The following MLLT10 variants were observed in gnomAD, a reference collection of about 807,000 sequenced individuals.
MLLT10 encodes protein AF-10.
In MLLT10, 30 loss-of-function variants were observed where a neutral mutation model predicts 129.1. That is an observed-to-expected ratio of 0.23 (90% CI 0.17 to 0.32). The LOEUF (loss-of-function observed/expected upper bound fraction) is 0.32. Ranked by LOEUF, MLLT10 falls within the 10% of genes least tolerant of loss-of-function variation. The pLI is 1.00. For synonymous variants in MLLT10, 490 were observed against 446.4 expected, an observed-to-expected ratio of 1.10 and a Z score of -1.23; for missense variants, 1,119 against 1,268.3, an observed-to-expected ratio of 0.88 and a Z score of 1.79.
intron 5 of MLLT10, among the ~76,000 whole-genome samples, chr10:21,607,317 GCTTT>G: frequency 7.1e-6 from 1 of 141,156 alleles, no homozygotes; most frequent in African/African-American, 2.7e-5. Flanking sequence ...TGTACTCTAT[GCTTT>G]TTTTTTTTTT....
chr10:21,740,942 G>A (rs1564763310), intron 22 of MLLT10, among the ~76,000 whole-genome samples: 2 of 152,180 alleles, frequency 1.3e-5, no homozygotes, highest in South Asian at 4.1e-4. Context: ...CTATGGGGAT[G>A]TAGAATGGAG....
At chr10:21,593,459 T>G (rs1359472285) in intron 4 of MLLT10, among the ~76,000 whole-genome samples, 1 of 152,194 alleles carries the variant, frequency 6.6e-6, no homozygotes, top group Non-Finnish European at 1.5e-5. Context: ...TTGCATCAAT[T>G]TAGAATTTTG....
chr10:21,598,090 A>T (rs921466252), intron 5 of MLLT10, among the ~76,000 whole-genome samples: 3 of 152,210 alleles, frequency 2.0e-5, no homozygotes, highest in African/African-American at 7.2e-5. Flanking sequence ...ACTAGGATTG[A>T]TGGCAAGTAG....
intron 8 of MLLT10, among the ~76,000 whole-genome samples, chr10:21,623,884 G>C (rs2131240654): frequency 6.6e-6 from 1 of 152,252 alleles, no homozygotes; most frequent in East Asian, 1.9e-4. Flanking sequence ...ATAGTGGTTA[G>C]AAGAAAATGG....
intron 13 of MLLT10, among the ~76,000 whole-genome samples, chr10:21,709,915 A>C (rs7078496): frequency 0.029 from 4,343 of 151,962 alleles, 208 homozygotes; most frequent in African/African-American, 0.098. Context: ...ACACCCAGCT[A>C]ATTTTGCATT....
rs1449244046 is a variant in MLLT10 at position 21,673,787 on chromosome 10, T to G, written c.1489T>G (p.Ser497Ala). The change falls in exon 11 of 23, where the codon TCT becomes GCT. Residue 497 changes from serine (S) to alanine (A), a missense_variant. By Grantham distance (99) the Ser-to-Ala change is moderately conservative. Around this residue, in one of 5 missense-constraint regions of MLLT10, gnomAD observed 1,004 missense variants for 1,008.7 expected, o/e 1.00. Coordinates refer to ENST00000307729, the MANE Select transcript of MLLT10 (RefSeq NM_001195626.3). ...GAATGTTTCTCATCTCTCAGTTTCT[T>G]CTGCTTCACCAACATCATCTGTAGC... ...QENVSHLSVS[S>A]ASPTSSVASA... 2.5e-6 allele frequency: 4 copies of G among 1,614,210 alleles called. No homozygotes were observed. Among genetic ancestry groups the G allele is most frequent in the Non-Finnish European group, 3.4e-6 (4 of 1,180,034 alleles).
intron 2 of MLLT10, 21 bp downstream of exon 2, chr10:21,534,825 CG>C (rs2033521108): frequency 5.1e-6 from 8 of 1,562,200 alleles, no homozygotes; most frequent in South Asian, 1.1e-5. Context: ...AACCGCCCGC[CG>C]GGGCGCGCCG....
chr10:21,614,750 T>A, intron 6 of MLLT10, 81 bp from the exon 7 acceptor site: 1 of 1,054,364 alleles, frequency 9.5e-7, no homozygotes, highest in Non-Finnish European at 1.4e-6. Flanking sequence ...CATGAATGAT[T>A]GGAAGTAAAT....
At chr10:21,587,560 C>T (rs1257978742) in intron 4 of MLLT10, among the ~76,000 whole-genome samples, 1 of 151,680 alleles carries the variant, frequency 6.6e-6, no homozygotes, top group African/African-American at 2.4e-5. Flanking sequence ...TTCTACAGCT[C>T]AGTACTATTC....
chr10:21,595,356 G>T lies in MLLT10; in HGVS notation c.321G>T (p.Leu107=). Residue 107 remains leucine (L), a synonymous_variant, in exon 5 of 23, where the codon CTG becomes CTT. Transcript: ENST00000307729. The part of the protein sequence containing the change: ...NGGWAHVVCA[L]YIPEVQFANV... ...GTTGGGCCCATGTGGTTTGTGCCCT[G>T]TATATTCCAGAGGTACAATTTGCCA... 4 of 1,613,652 alleles carry T rather than the reference G, an allele frequency of 2.5e-6. No homozygotes were observed. The highest frequency in any genetic ancestry group is 2.2e-5 in the South Asian group (2 of 91,046).
At chr10:21,578,081 G>C (rs2040984032) in intron 3 of MLLT10, among the ~76,000 whole-genome samples, 1 of 151,784 alleles carries the variant, frequency 6.6e-6, no homozygotes, top group Middle Eastern at 3.2e-3. Flanking sequence ...TTTTAGAAGA[G>C]TTGGAGTTTC....
chr10:21,577,863 CTGAT>C (rs1459338164), intron 3 of MLLT10, among the ~76,000 whole-genome samples: 1 of 151,940 alleles, frequency 6.6e-6, no homozygotes, highest in Non-Finnish European at 1.5e-5. Flanking sequence ...GAGGTAGTAT[CTGAT>C]TGTGGTGTTG....
At chr10:21,565,570 G>A (rs969886543) in intron 3 of MLLT10, among the ~76,000 whole-genome samples, 17 of 149,600 alleles carry the variant, frequency 1.1e-4, no homozygotes, top group Non-Finnish European at 2.5e-4. Flanking sequence ...GCCTCCCAAA[G>A]TGCTGGGATT....
chr10:21,634,325 A>T lies in MLLT10; in HGVS notation c.699+17118A>T, dbSNP rs779096416. 1.2e-4 allele frequency among the ~76,000 whole-genome samples: 18 copies of T among 152,068 alleles called. 1 individual carries two copies. Among genetic ancestry groups the T allele is most frequent in the Admixed American group, 3.9e-4 (6 of 15,246 alleles). On this transcript the variant is annotated intron_variant, in intron 8 of 22. Transcript: ENST00000307729. ...TGTTTTGCAGTGTTGCTCAGCTGGGATTTGTCTGATTTGTTTCCTCCTGAA... is the reference window on the plus strand; with the variant it reads ...TGTTTTGCAGTGTTGCTCAGCTGGGTTTTGTCTGATTTGTTTCCTCCTGAA...
At chr10:21,708,096 T>C (rs1302345904) in intron 13 of MLLT10, among the ~76,000 whole-genome samples, 7 of 152,206 alleles carry the variant, frequency 4.6e-5, no homozygotes, top group Admixed American at 6.5e-5. Flanking sequence ...GCTAAAATCT[T>C]GTCTGTCTTG....
At chr10:21,645,879 G>T (rs1465268611) in intron 8 of MLLT10, among the ~76,000 whole-genome samples, 1 of 152,116 alleles carries the variant, frequency 6.6e-6, no homozygotes, top group Non-Finnish European at 1.5e-5. Flanking sequence ...CCTGTCTCTT[G>T]GTTGTTTGTC....
At chr10:21,612,534 A>C in intron 6 of MLLT10, 83 bp downstream of exon 6, 11 of 722,026 alleles carry the variant, frequency 1.5e-5, no homozygotes, top group Non-Finnish European at 2.2e-5. Context: ...TTAGATACTC[A>C]AACATTAATT....
chr10:21,617,796 A>G (rs1434638136), intron 8 of MLLT10, among the ~76,000 whole-genome samples: 1 of 152,182 alleles, frequency 6.6e-6, no homozygotes, highest in Non-Finnish European at 1.5e-5. Flanking sequence ...AATACTTTTT[A>G]ATAAACTAAA....
chr10:21,663,901 A>G (rs1317241239), intron 9 of MLLT10, among the ~76,000 whole-genome samples: 3 of 152,134 alleles, frequency 2.0e-5, no homozygotes, highest in Admixed American at 1.3e-4. Flanking sequence ...ATTCACTGAT[A>G]TAAGAGTTGG....
Sources: gnomAD v4.1 joint callset for allele counts (sites outside exome capture counted in the v4.1 genomes callset) on GRCh38, gnomAD v4.1.1 for gene constraint, gnomAD v4.1.1 regional missense constraint, MANE v1.5 for transcripts, NCBI Gene and HGNC (gene_info 2026-07-23, HGNC 2026-07-21) for gene names.